The following REV3L variants were observed in gnomAD, a reference collection of about 807,000 sequenced individuals.
REV3L encodes DNA polymerase zeta catalytic subunit.
In REV3L, 69 loss-of-function variants were observed where a neutral mutation model predicts 299.4. That is an observed-to-expected ratio of 0.23 (90% CI 0.19 to 0.28). The LOEUF (loss-of-function observed/expected upper bound fraction) is 0.28, where lower values mean the gene tolerates loss of function less well. Ranked by LOEUF, REV3L falls within the 10% of genes least tolerant of loss-of-function variation. The probability of loss-of-function intolerance (pLI) is 1.00; values close to 1 mark genes in which losing one functional copy is unlikely to be tolerated. For synonymous variants in REV3L, 1,238 were observed against 1,271.4 expected (o/e 0.97, Z 0.56); for missense variants, 3,128 against 3,693.8 (o/e 0.85, Z 3.97).
intron 18 of REV3L, among the ~76,000 whole-genome samples, chr6:111,354,504 C>G (rs928240902): frequency 1.3e-5 from 2 of 152,082 alleles, no homozygotes; most frequent in South Asian, 4.1e-4. Flanking sequence ...TTGTTTCAGG[C>G]ATTTTTTCAG....
chr6:111,351,982 T>C (rs533324118), intron 18 of REV3L, among the ~76,000 whole-genome samples, 191 bp from the exon 19 acceptor site: 1 of 151,988 alleles, frequency 6.6e-6, no homozygotes, highest in Non-Finnish European at 1.5e-5. Context: ...TTAAGAGTAC[T>C]TGATTTGAAG....
At position 111,363,908 on chromosome 6, in the gene REV3L, G is replaced by T; in HGVS notation, c.6824C>A (p.Thr2275Asn). Residue 2275 changes from threonine (T) to asparagine (N), a missense_variant, in exon 16 of 32, where the codon ACT (threonine) becomes AAT (asparagine). By Grantham distance (65) the Thr-to-Asn change is moderately conservative. Around this residue, in one of 9 missense-constraint regions of REV3L, gnomAD observed 2,409 missense variants for 2,611.8 expected, o/e 0.92. Transcript: ENST00000368802. Reference sequence around the variant, plus strand: ...TTGTATGCTGACTTTGAAACCGTAAGTATTGTTTAAAGATGGTCCATCAAT... The same window carrying T: ...TTGTATGCTGACTTTGAAACCGTAATTATTGTTTAAAGATGGTCCATCAAT... Reference protein sequence around the residue: ...SQIDGPSLNNTYGFKVSIQNL... With the variant: ...SQIDGPSLNNNYGFKVSIQNL... 1 of 1,613,214 alleles carries T rather than the reference G, an allele frequency of 6.2e-7. No homozygotes were observed. The highest frequency in any genetic ancestry group is 8.5e-7 in the Non-Finnish European group (1 of 1,179,626).
chr6:111,455,404 T>A (rs2128320440), intron 1 of REV3L, among the ~76,000 whole-genome samples: 1 of 152,210 alleles, frequency 6.6e-6, no homozygotes, highest in East Asian at 1.9e-4. Flanking sequence ...AGCAAGCAGT[T>A]CAGACTGAAA....
intron 1 of REV3L, among the ~76,000 whole-genome samples, chr6:111,441,408 C>T (rs150146493): frequency 2.6e-5 from 4 of 152,144 alleles, no homozygotes; most frequent in African/African-American, 9.6e-5. Context: ...ACATATGCCA[C>T]CACACCCAGC....
In REV3L at chr6:111,299,995, T is replaced by TA; in HGVS notation, c.*20dup. On this transcript the variant is annotated 3_prime_UTR_variant, in exon 32 of 32. Coordinates refer to ENST00000368802, the MANE Select transcript of REV3L (RefSeq NM_001372078.1). ...TAAGCACTGAAAAAAATAGCACCTG[T>TA]AATACTGTGATATTGACAATTTAAA... is the stretch of plus-strand genomic sequence containing the variant. 3 of 1,606,668 alleles carry TA rather than the reference T, an allele frequency of 1.9e-6. No individual in the cohort carries two copies. The highest frequency in any genetic ancestry group is 1.7e-6 in the Non-Finnish European group (2 of 1,176,896).
intron 3 of REV3L, among the ~76,000 whole-genome samples, chr6:111,410,071 G>A (rs541345771): frequency 1.6e-4 from 24 of 152,276 alleles, no homozygotes; most frequent in Non-Finnish European, 2.5e-4. Context: ...CTGGTATGGT[G>A]GCTCAGGCCT....
intron 31 of REV3L, among the ~76,000 whole-genome samples, chr6:111,303,253 C>G (rs1297328214): frequency 2.0e-5 from 3 of 148,174 alleles, no homozygotes; most frequent in African/African-American, 7.4e-5. Flanking sequence ...TTCACTGCAA[C>G]CTCTGCCTCC....
intron 20 of REV3L, among the ~76,000 whole-genome samples, chr6:111,345,518 C>A (rs1397053964): frequency 6.6e-6 from 1 of 152,084 alleles, no homozygotes; most frequent in Non-Finnish European, 1.5e-5. Context: ...TTGAACTCCT[C>A]TTCTCTAATG....
chr6:111,451,371 T>C (rs534180827), intron 1 of REV3L, among the ~76,000 whole-genome samples: 44 of 152,294 alleles, frequency 2.9e-4, no homozygotes, highest in African/African-American at 1.0e-3. Context: ...TTCTATAACA[T>C]TCATAATCCT....
rs768300742 is a variant in REV3L, at chr6:111,376,374, C to A, written c.1981G>T (p.Asp661Tyr). 6.2e-7 allele frequency: 1 copy of A among 1,611,900 alleles called. No homozygotes were observed. The highest frequency in any genetic ancestry group is 8.5e-7 in the Non-Finnish European group (1 of 1,179,402). ...PVSSCESSIF[D>Y]YEEDIPSVTR... ...ACAGATGGAATATCTTCTTCATAAT[C>A]AAAAATACTACTTTCACAGGAAGAT... The change falls in exon 13 of 32, where the codon GAT (aspartate) becomes TAT (tyrosine). Residue 661 changes from aspartate (D) to tyrosine (Y), a missense_variant. Asp to Tyr is a radical substitution (Grantham distance 160). Coordinates refer to ENST00000368802, the MANE Select transcript of REV3L (RefSeq NM_001372078.1).
chr6:111,432,530 A>G (rs1335782904), intron 1 of REV3L, among the ~76,000 whole-genome samples: 8 of 152,238 alleles, frequency 5.3e-5, no homozygotes, highest in Non-Finnish European at 1.2e-4. Context: ...TATGCATGCA[A>G]CACCAGAGCA....
At position 111,443,978 on chromosome 6, in the gene REV3L, T is replaced by C. The variant is rs528270069; in HGVS notation, c.140-27506A>G. ...GGTCAAAGAGAACTGATTTTAAATA[T>C]TCCAAACCAAACAGAAAACAGAGTA... On this transcript the variant is annotated intron_variant, in intron 1 of 31. Transcript: ENST00000368802. 3.3e-5 allele frequency among the ~76,000 whole-genome samples: 5 copies of C among 152,338 alleles called. No individual in the cohort carries two copies. In the South Asian group the frequency reaches 1.0e-3, roughly 32 times the overall value.
At chr6:111,483,405 C>T (rs2128352438), upstream of REV3L, 1 of 431,812 alleles carries the variant, frequency 2.3e-6, no homozygotes, top group Non-Finnish European at 4.1e-6. Flanking sequence ...AGGCGGCCGG[C>T]GGCCGGCAGC....
chr6:111,317,058 C>T (rs975732597), intron 26 of REV3L, among the ~76,000 whole-genome samples: 1 of 152,072 alleles, frequency 6.6e-6, no homozygotes, highest in African/African-American at 2.4e-5. Flanking sequence ...TAAAGTTCAT[C>T]TTCACTTATA....
chr6:111,430,983 G>A, intron 1 of REV3L: 1 of 1,575,096 alleles, frequency 6.3e-7, no homozygotes. Context: ...ACTTTGCAGG[G>A]GTTCAAAGAG....
intron 1 of REV3L, among the ~76,000 whole-genome samples, chr6:111,451,571 C>T (rs528305184): frequency 6.6e-6 from 1 of 152,218 alleles, no homozygotes; most frequent in Non-Finnish European, 1.5e-5. Flanking sequence ...CACAGAATAG[C>T]TCTGTGTTGC....
chr6:111,420,192 A>G (rs894461174), intron 1 of REV3L, among the ~76,000 whole-genome samples: 1 of 152,178 alleles, frequency 6.6e-6, no homozygotes, highest in Non-Finnish European at 1.5e-5. Context: ...TCTAGGTAAC[A>G]TATAGATTTA....
intron 31 of REV3L, among the ~76,000 whole-genome samples, chr6:111,305,417 C>T (rs556932198): frequency 6.6e-6 from 1 of 151,468 alleles, no homozygotes; most frequent in African/African-American, 2.4e-5. Context: ...ATAGTGAGAC[C>T]CGATGTCTAA....
chr6:111,394,896 T>C (rs1167045925), intron 4 of REV3L, among the ~76,000 whole-genome samples: 2 of 151,826 alleles, frequency 1.3e-5, no homozygotes, highest in Non-Finnish European at 2.9e-5. Context: ...TTGACTATCT[T>C]GCACAGGCTG....
Sources: gnomAD v4.1 joint callset for allele counts (sites outside exome capture counted in the v4.1 genomes callset) on GRCh38, gnomAD v4.1.1 for gene constraint, gnomAD v4.1.1 regional missense constraint, MANE v1.5 for transcripts, NCBI Gene and HGNC (gene_info 2026-07-23, HGNC 2026-07-21) for gene names.